Variants in ICAM1 observed in about 807,000 individuals in gnomAD.
The protein encoded by ICAM1 is intercellular adhesion molecule 1.
ICAM1 carries 28 observed loss-of-function variants against 42.3 expected under a neutral mutation model. That is an observed-to-expected ratio of 0.66 (90% CI 0.49 to 0.91). The LOEUF is 0.91. Ranked by LOEUF, ICAM1 falls within the 40% of genes least tolerant of loss-of-function variation. The probability of loss-of-function intolerance (pLI) is 0.00; values close to 1 mark genes in which losing one functional copy is unlikely to be tolerated. For missense variants in ICAM1, 637 were observed against 688.6 expected (o/e 0.93, Z 0.84); for synonymous variants, 304 against 305.9 (o/e 0.99, Z 0.07).
chr19:10,283,419 C>T (rs890181259), intron 2 of ICAM1, 62 bp from the exon 3 acceptor site: 72 of 1,477,388 alleles, frequency 4.9e-5, no homozygotes, highest in Non-Finnish European at 5.9e-5. Context: ...AGGTGCAGTT[C>T]GTCTGTTAGG....
intron 1 of ICAM1, among the ~76,000 whole-genome samples, chr19:10,273,039 T>C (rs566887296): frequency 3.2e-4 from 49 of 152,106 alleles, no homozygotes; most frequent in Admixed American, 7.9e-4. Flanking sequence ...ACCTGACTTC[T>C]TAGGAGGGAG....
rs2040076382 is a variant in ICAM1 at position 10,283,531 on chromosome 19, G to T, written c.382G>T (p.Gly128Cys). The T allele has an allele frequency of 1.2e-6, 2 of 1,605,180 alleles. No homozygotes were observed. Among genetic ancestry groups the T allele is most frequent in the African/African-American group, 2.7e-5 (2 of 74,782 alleles). ...ACCCCTCCCCTCTTGGCAGCCAGTG[G>T]GCAAGAACCTTACCCTACGCTGCCA... ...LAPLPSWQPV[G>C]KNLTLRCQVE... Residue 128 changes from glycine to cysteine, a missense_variant, in exon 3 of 7, where the codon GGC becomes TGC. By Grantham distance (159) the Gly-to-Cys change is radical (BLOSUM62 -3). Coordinates refer to ENST00000264832, the MANE Select transcript of ICAM1 (RefSeq NM_000201.3).
chr19:10,278,801 C>T (rs983207339), intron 2 of ICAM1, among the ~76,000 whole-genome samples: 3 of 152,016 alleles, frequency 2.0e-5, no homozygotes, highest in African/African-American at 7.3e-5. Context: ...CTCAGCCTCC[C>T]GAAGTGCTGG....
intron 1 of ICAM1, among the ~76,000 whole-genome samples, chr19:10,273,638 C>T (rs940962134): frequency 4.0e-5 from 6 of 151,868 alleles, no homozygotes; most frequent in Admixed American, 2.0e-4. Flanking sequence ...GTATTCCAGC[C>T]TGGGTAACAG....
intron 1 of ICAM1, among the ~76,000 whole-genome samples, chr19:10,274,282 A>G (rs892556535): frequency 6.7e-6 from 1 of 149,386 alleles, no homozygotes; most frequent in Non-Finnish European, 1.5e-5. Flanking sequence ...TCATATTAAC[A>G]TCAGTTATTA....
rs1287926004 is a variant in ICAM1, at chr19:10,283,507, C to T, written c.358C>T (p.Pro120Ser). 1.9e-6 allele frequency: 3 copies of T among 1,582,984 alleles called. No homozygotes were observed. Among genetic ancestry groups the T allele is most frequent in the Middle Eastern group, 2.0e-4 (1 of 5,004 alleles). ...GACTCCAGAACGGGTGGAACTGGCA[C>T]CCCTCCCCTCTTGGCAGCCAGTGGG... ...YWTPERVELA[P>S]LPSWQPVGKN... The change falls in exon 3 of 7, where the codon CCC becomes TCC. Residue 120 changes from proline to serine, a missense_variant. Transcript: ENST00000264832.
chr19:10,271,916 G>GA (rs2039984372), intron 1 of ICAM1, among the ~76,000 whole-genome samples: 1 of 152,138 alleles, frequency 6.6e-6, no homozygotes, highest in Admixed American at 6.6e-5. Flanking sequence ...GAAGGGGTCA[G>GA]AGGGTCTTTC....
intron 3 of ICAM1, 41 bp downstream of exon 3, chr19:10,283,827 G>T (rs1851953074): frequency 1.3e-6 from 2 of 1,544,484 alleles, no homozygotes; most frequent in African/African-American, 1.4e-5. Context: ...GTGGGGGTGG[G>T]GTATCCTGCA....
intron 1 of ICAM1, among the ~76,000 whole-genome samples, chr19:10,272,077 G>C (rs1279476709): frequency 1.3e-5 from 2 of 152,296 alleles, no homozygotes; most frequent in East Asian, 3.9e-4. Flanking sequence ...CTTAAGGTCA[G>C]GAGTTTGAGA....
chr19:10,285,043 G>A lies in ICAM1; in HGVS notation c.1426+15G>A, dbSNP rs200051692. On this transcript the variant is annotated intron_variant, in intron 6 of 6. Coordinates refer to ENST00000264832, the MANE Select transcript of ICAM1 (RefSeq NM_000201.3). ...GAATGTGCTCTGTGAGTGAGCCGGC[G>A]GGCAGAGCTGGGTGGGGGCAGGGGC... 8.1e-6 allele frequency: 13 copies of A among 1,613,308 alleles called. No individual in the cohort carries two copies. Among genetic ancestry groups the A allele is most frequent in the African/African-American group, 4.0e-5 (3 of 74,876 alleles).
chr19:10,278,158 C>T (rs192199315), intron 2 of ICAM1, among the ~76,000 whole-genome samples: 403 of 152,304 alleles, frequency 2.6e-3, no homozygotes, highest in Non-Finnish European at 3.2e-3. Flanking sequence ...GATGACACCA[C>T]TGCACTCCAG....
Position 10,285,037 on chromosome 19 carries a change from G to C in ICAM1, c.1426+9G>C. On this transcript the variant is annotated intron_variant, in intron 6 of 6. Coordinates refer to ENST00000264832, the MANE Select transcript of ICAM1 (RefSeq NM_000201.3). ...GACCGTGAATGTGCTCTGTGAGTGAGCCGGCGGGCAGAGCTGGGTGGGGGC... is the reference window on the plus strand; with the variant it reads ...GACCGTGAATGTGCTCTGTGAGTGACCCGGCGGGCAGAGCTGGGTGGGGGC... 2 of 1,613,556 alleles carry C rather than the reference G, an allele frequency of 1.2e-6. No homozygotes were observed. The highest frequency in any genetic ancestry group is 2.2e-5 in the East Asian group (1 of 44,874).
rs199929256 is a variant in ICAM1, at chr19:10,285,188, G to A, written c.1500G>A (p.Thr500=). ...AVIMGTAGLS[T]YLYNRQRKIK... ...TAATGGGCACTGCAGGCCTCAGCAC[G>A]TACCTCTATAACCGCCAGCGGAAGA... The change falls in exon 7 of 7, where the codon ACG becomes ACA. Residue 500 remains threonine (T), a synonymous_variant. Transcript: ENST00000264832. 557 of 1,614,014 alleles carry A rather than the reference G, an allele frequency of 3.5e-4. No individual in the cohort carries two copies. Among genetic ancestry groups the A allele is most frequent in the Non-Finnish European group, 4.5e-4 (533 of 1,180,006 alleles).
rs772966530 is a variant in ICAM1 at position 10,283,563 on chromosome 19, G to A, written c.414G>A (p.Glu138=). 1 of 1,613,310 alleles carries A rather than the reference G, an allele frequency of 6.2e-7. No individual in the cohort carries two copies. The highest frequency in any genetic ancestry group is 2.2e-5 in the East Asian group (1 of 44,870). ...GKNLTLRCQV[E]GGAPRANLTV... ...ACCTTACCCTACGCTGCCAGGTGGA[G>A]GGTGGGGCACCCCGGGCCAACCTCA... is the stretch of plus-strand genomic sequence containing the variant. Residue 138 remains glutamate, a synonymous_variant, in exon 3 of 7, where the codon GAG becomes GAA. Coordinates refer to ENST00000264832, the MANE Select transcript of ICAM1 (RefSeq NM_000201.3).
chr19:10,272,296 CGTT>C (rs1238669483), intron 1 of ICAM1, among the ~76,000 whole-genome samples: 1 of 152,124 alleles, frequency 6.6e-6, no homozygotes, highest in East Asian at 1.9e-4. Flanking sequence ...AAAAACAAAG[CGTT>C]CTGATCCGGA....
chr19:10,273,130 G>C (rs760819217), intron 1 of ICAM1, among the ~76,000 whole-genome samples: 1 of 152,102 alleles, frequency 6.6e-6, no homozygotes, highest in African/African-American at 2.4e-5. Flanking sequence ...AGGCTTAGGC[G>C]GGAGGATCAC....
At chr19:10,276,320 C>T (rs1381611031) in intron 2 of ICAM1, among the ~76,000 whole-genome samples, 5 of 151,228 alleles carry the variant, frequency 3.3e-5, no homozygotes, top group Non-Finnish European at 5.9e-5. Flanking sequence ...CCGAGGCGGG[C>T]GGATCACAAG....
chr19:10,276,471 G>T (rs1482304626), intron 2 of ICAM1, among the ~76,000 whole-genome samples: 3 of 150,898 alleles, frequency 2.0e-5, no homozygotes, highest in African/African-American at 7.3e-5. Context: ...CATGAACCCG[G>T]GAGGCAGAGC....
chr19:10,285,486 T>A lies in ICAM1; in HGVS notation c.*199T>A. The A allele has an allele frequency of 1.7e-6, 1 of 588,802 alleles. No homozygotes were observed. The highest frequency in any genetic ancestry group is 3.0e-6 in the Non-Finnish European group (1 of 330,686). The allele number at this position is 588,802 out of a possible 1,614,324, so 36.5% of individuals were successfully genotyped here. On this transcript the variant is annotated 3_prime_UTR_variant, in exon 7 of 7. Coordinates refer to ENST00000264832, the MANE Select transcript of ICAM1 (RefSeq NM_000201.3). ...CACACCTAAAACACTAGGCCACGCA[T>A]CTGATCTGTAGTCACATGACTAAGC...
Sources: allele counts gnomAD v4.1 joint callset (sites outside exome capture counted in the v4.1 genomes callset), GRCh38; gene constraint gnomAD v4.1.1; transcripts MANE v1.5; gene names NCBI Gene and HGNC (gene_info 2026-07-23, HGNC 2026-07-21).